Variants in PDE4B observed in about 807,000 individuals in gnomAD.
The protein encoded by PDE4B is 3',5'-cyclic-AMP phosphodiesterase 4B.
Under a neutral mutation model 82.2 loss-of-function variants are expected in PDE4B, and 20 were observed. The ratio of observed to expected loss-of-function variants is 0.24; its 90% confidence interval spans 0.17 to 0.35. PDE4B has a LOEUF of 0.35. Among genes scored for constraint, PDE4B ranks in the 10% least tolerant of loss-of-function variants. PDE4B has a pLI of 1.00. For missense variants in PDE4B, 655 were observed against 907.2 expected (o/e 0.72, Z 3.57); for synonymous variants, 320 against 318.9 (o/e 1.00, Z -0.04).
chr1:65,834,152 C>T (rs141989857), intron 1 of PDE4B, among the ~76,000 whole-genome samples: 14,881 of 152,228 alleles, frequency 0.098, 841 homozygotes, highest in South Asian at 0.14. Context: ...TTAAGTGATT[C>T]TCCTGCCTCA....
chr1:66,148,648 T>C (rs1171818339), intron 3 of PDE4B, among the ~76,000 whole-genome samples: 2 of 152,204 alleles, frequency 1.3e-5, no homozygotes, highest in African/African-American at 4.8e-5. Context: ...TCACTCTCCA[T>C]GAGCATTCAC....
intron 3 of PDE4B, among the ~76,000 whole-genome samples, chr1:65,931,415 A>T (rs990571765): frequency 6.6e-6 from 1 of 152,240 alleles, no homozygotes; most frequent in African/African-American, 2.4e-5. Flanking sequence ...TTTACAAAAT[A>T]TCCTACAGAC....
chr1:65,921,364 A>G (rs1176322172), intron 3 of PDE4B, among the ~76,000 whole-genome samples: 1 of 152,178 alleles, frequency 6.6e-6, no homozygotes, highest in Non-Finnish European at 1.5e-5. Flanking sequence ...ATCTGATTAA[A>G]AAATGATTTG....
intron 3 of PDE4B, among the ~76,000 whole-genome samples, chr1:66,113,980 C>A (rs1279809589): frequency 6.6e-6 from 1 of 152,132 alleles, no homozygotes; most frequent in African/African-American, 2.4e-5. Flanking sequence ...CCTGAATGTT[C>A]GTGTCTCCCT....
intron 3 of PDE4B, among the ~76,000 whole-genome samples, chr1:66,089,625 G>A (rs1644971410): frequency 6.6e-6 from 1 of 151,892 alleles, no homozygotes; most frequent in African/African-American, 2.4e-5. Flanking sequence ...TAAAAGAGTT[G>A]CTTAGCCAGT....
chr1:65,873,897 C>A (rs1037873959), intron 1 of PDE4B, among the ~76,000 whole-genome samples: 3 of 151,754 alleles, frequency 2.0e-5, no homozygotes, highest in Non-Finnish European at 4.4e-5. Context: ...CTTGGTGATG[C>A]GGGCTCTTTT....
intron 1 of PDE4B, among the ~76,000 whole-genome samples, chr1:65,839,919 C>T (rs189279857): frequency 6.6e-6 from 1 of 152,158 alleles, no homozygotes; most frequent in South Asian, 2.1e-4. Context: ...TTCTCCACAT[C>T]CTCTCCAGCA....
chr1:65,879,424 A>G (rs528278267), intron 1 of PDE4B, among the ~76,000 whole-genome samples: 1 of 152,222 alleles, frequency 6.6e-6, no homozygotes. Context: ...AAATAAACAG[A>G]CCAGTAGAAG....
At chr1:66,350,158 G>A (rs80240307) in intron 8 of PDE4B, among the ~76,000 whole-genome samples, 6 of 151,978 alleles carry the variant, frequency 3.9e-5, no homozygotes, top group Middle Eastern at 3.4e-3. Context: ...CCTGATGCCC[G>A]GGAATTCTTT....
intron 7 of PDE4B, among the ~76,000 whole-genome samples, chr1:66,318,637 A>G (rs1294673880): frequency 6.6e-6 from 1 of 152,252 alleles, no homozygotes; most frequent in Non-Finnish European, 1.5e-5. Context: ...CAATAGAAAT[A>G]TAATAAACAC....
At chr1:66,326,425 T>C (rs968603748) in intron 7 of PDE4B, among the ~76,000 whole-genome samples, 1 of 152,244 alleles carries the variant, frequency 6.6e-6, no homozygotes, top group Non-Finnish European at 1.5e-5. Context: ...TCTATTACTA[T>C]AGATTAGTTT....
chr1:66,231,297 C>G (rs1651929576), intron 3 of PDE4B, among the ~76,000 whole-genome samples: 1 of 152,170 alleles, frequency 6.6e-6, no homozygotes, highest in Non-Finnish European at 1.5e-5. Flanking sequence ...AACAGTAATC[C>G]ATCTGTGAGT....
rs555897748 is a variant in PDE4B, at chr1:66,334,890, T to C, written c.747+2270T>C. ...GGGAGGTCGAGGCAGCACTTTGGGA[T>C]TGCTTGAGCCCAGGAGTTCGAGATA... On this transcript the variant is annotated intron_variant, in intron 8 of 16. Transcript: ENST00000341517. Among the ~76,000 whole-genome samples the C allele has an allele frequency of 8.1e-4, 124 of 152,296 alleles. 1 individual carries two copies. The highest frequency in any genetic ancestry group is 2.9e-3 in the African/African-American group (122 of 41,560).
At chr1:65,849,570 G>A (rs1309045529) in intron 1 of PDE4B, among the ~76,000 whole-genome samples, 2 of 152,162 alleles carry the variant, frequency 1.3e-5, no homozygotes, top group African/African-American at 4.8e-5. Flanking sequence ...GGTGGCACTG[G>A]TGGGGATCCC....
chr1:65,996,934 T>A (rs1056231808), intron 3 of PDE4B, among the ~76,000 whole-genome samples: 1 of 152,190 alleles, frequency 6.6e-6, no homozygotes, highest in African/African-American at 2.4e-5. Context: ...GGATGACAAC[T>A]TATGAAGCAC....
At chr1:66,140,166 C>T (rs888579039) in intron 3 of PDE4B, among the ~76,000 whole-genome samples, 6 of 151,966 alleles carry the variant, frequency 3.9e-5, no homozygotes, top group Non-Finnish European at 2.9e-5. Context: ...TGTTATCACC[C>T]AATTAAAAAT....
chr1:65,883,269 T>C (rs993059795), intron 1 of PDE4B, among the ~76,000 whole-genome samples: 1 of 152,216 alleles, frequency 6.6e-6, no homozygotes, highest in Non-Finnish European at 1.5e-5. Flanking sequence ...TTCACAATAT[T>C]GATTCTTCCT....
intron 1 of PDE4B, among the ~76,000 whole-genome samples, chr1:65,822,786 A>G (rs1049621148): frequency 3.9e-5 from 6 of 152,118 alleles, no homozygotes; most frequent in African/African-American, 1.4e-4. Context: ...TCCAACCCTC[A>G]CCAGACACTG....
In PDE4B at chr1:66,368,931, A is replaced by G; in HGVS notation, c.1807A>G (p.Met603Val). ...GGAGAGGGGAATGGAAATTAGCCCA[A>G]TGTGTGATAAACACACAGCTTCTGT... is the stretch of plus-strand genomic sequence containing the variant. ...ERERGMEISP[M>V]CDKHTASVEK... Residue 603 changes from methionine to valine, a missense_variant, in exon 16 of 17, where the codon ATG becomes GTG. By Grantham distance (21) the Met-to-Val change is conservative. Transcript: ENST00000341517. 1.2e-6 allele frequency: 2 copies of G among 1,612,728 alleles called. No homozygotes were observed. Among genetic ancestry groups the G allele is most frequent in the Non-Finnish European group, 1.7e-6 (2 of 1,179,380 alleles).
Sources: allele counts gnomAD v4.1 joint callset (sites outside exome capture counted in the v4.1 genomes callset), GRCh38; gene constraint gnomAD v4.1.1; transcripts MANE v1.5; gene names NCBI Gene and HGNC (gene_info 2026-07-23, HGNC 2026-07-21).